Variants in METTL15 observed in about 807,000 individuals in gnomAD.
The protein encoded by METTL15 is 12S rRNA N(4)-cytidine methyltransferase METTL15.
Under a neutral mutation model 38.3 loss-of-function variants are expected in METTL15, and 34 were observed. That is an observed-to-expected ratio of 0.89 (90% CI 0.68 to 1.18). METTL15 has a LOEUF of 1.18. METTL15 is among the 50% of genes most tolerant of loss of function. METTL15 has a pLI of 0.00. For synonymous variants in METTL15, 162 were observed against 170.9 expected (o/e 0.95, Z 0.41); for missense variants, 438 against 498.4 (o/e 0.88, Z 1.15).
At chr11:28,232,194 A>G (rs1045487437) in intron 4 of METTL15, among the ~76,000 whole-genome samples, 2 of 152,004 alleles carry the variant, frequency 1.3e-5, no homozygotes, top group East Asian at 1.9e-4. Flanking sequence ...ATATTTATGT[A>G]AAAATGTTAA....
chr11:28,509,328 T>C (rs1851655821), intron 6 of METTL15, among the ~76,000 whole-genome samples: 1 of 152,176 alleles, frequency 6.6e-6, no homozygotes, highest in Non-Finnish European at 1.5e-5. Flanking sequence ...AAAATCATCT[T>C]TGATCTCAGG....
At chr11:28,443,260 T>C (rs1258098344) in intron 6 of METTL15, among the ~76,000 whole-genome samples, 1 of 152,206 alleles carries the variant, frequency 6.6e-6, no homozygotes, top group African/African-American at 2.4e-5. Context: ...ATTCCATACC[T>C]TGGCTTGGCT....
intron 6 of METTL15, among the ~76,000 whole-genome samples, chr11:28,502,708 C>A (rs1247393743): frequency 1.3e-5 from 2 of 152,046 alleles, no homozygotes; most frequent in South Asian, 4.1e-4. Context: ...TCCCTTTTCT[C>A]TGAAGGCTTG....
intron 6 of METTL15, among the ~76,000 whole-genome samples, chr11:28,443,806 G>A (rs1027794271): frequency 3.9e-5 from 6 of 152,164 alleles, no homozygotes; most frequent in African/African-American, 7.2e-5. Context: ...CCATGCTAAC[G>A]TTTGAATCCA....
intron 4 of METTL15, among the ~76,000 whole-genome samples, chr11:28,245,368 C>T (rs563819515): frequency 6.6e-6 from 1 of 152,216 alleles, no homozygotes; most frequent in African/African-American, 2.4e-5. Flanking sequence ...CAGTGATACC[C>T]AAAACCTGCT....
chr11:28,441,991 G>A (rs1349177193), intron 6 of METTL15, among the ~76,000 whole-genome samples: 1 of 152,222 alleles, frequency 6.6e-6, no homozygotes, highest in African/African-American at 2.4e-5. Context: ...TGCAGGTTGA[G>A]TGTAGGAAGA....
chr11:28,193,038 G>T (rs1419057604), intron 3 of METTL15, among the ~76,000 whole-genome samples: 3 of 151,914 alleles, frequency 2.0e-5, no homozygotes, highest in Non-Finnish European at 4.4e-5. Context: ...TAGGCTTTCA[G>T]CATTAGTATA....
At chr11:28,428,059 G>T (rs2133426869) in intron 6 of METTL15, among the ~76,000 whole-genome samples, 1 of 152,226 alleles carries the variant, frequency 6.6e-6, no homozygotes, top group South Asian at 2.1e-4. Flanking sequence ...CTATTAAGTA[G>T]GAATAATAGT....
At chr11:28,165,001 G>A (rs1008078311) in intron 3 of METTL15, among the ~76,000 whole-genome samples, 3 of 152,178 alleles carry the variant, frequency 2.0e-5, no homozygotes, top group South Asian at 2.1e-4. Context: ...ATCCCATGTT[G>A]TAACAAATGA....
chr11:28,118,116 A>G (rs1316194282), intron 3 of METTL15, among the ~76,000 whole-genome samples: 2 of 151,980 alleles, frequency 1.3e-5, no homozygotes, highest in African/African-American at 4.8e-5. Context: ...CATTCTCCAG[A>G]TGAAACTTTT....
intron 4 of METTL15, among the ~76,000 whole-genome samples, chr11:28,235,573 G>A (rs1853918347): frequency 1.3e-5 from 2 of 152,158 alleles, no homozygotes; most frequent in Non-Finnish European, 2.9e-5. Flanking sequence ...AAGCAATTGT[G>A]ATTGGGAGTT....
chr11:28,292,850 C>T (rs532644234), intron 5 of METTL15, among the ~76,000 whole-genome samples: 1 of 152,122 alleles, frequency 6.6e-6, no homozygotes, highest in Non-Finnish European at 1.5e-5. Context: ...GGCTGCATAA[C>T]TGTCTTCTTT....
At chr11:28,149,996 G>T (rs1160786421) in intron 3 of METTL15, among the ~76,000 whole-genome samples, 1 of 151,928 alleles carries the variant, frequency 6.6e-6, no homozygotes, top group East Asian at 1.9e-4. Flanking sequence ...CAAACCCAGG[G>T]CCCAATGTCG....
intron 4 of METTL15, among the ~76,000 whole-genome samples, chr11:28,278,688 T>C (rs1173292120): frequency 6.6e-6 from 1 of 152,200 alleles, no homozygotes; most frequent in Non-Finnish European, 1.5e-5. Context: ...TACTGCATAC[T>C]TGACTGCCTC....
At chr11:28,376,211 G>C (rs902420314) in intron 5 of METTL15, among the ~76,000 whole-genome samples, 2 of 151,908 alleles carry the variant, frequency 1.3e-5, no homozygotes, top group Non-Finnish European at 2.9e-5. Flanking sequence ...AGTTCAATTC[G>C]TGGGTATCCT....
chr11:28,163,410 T>C lies in METTL15; in HGVS notation c.271-47652T>C, dbSNP rs7114832. 3.5e-3 allele frequency: 1,390 copies of C among 398,242 alleles called. 14 individuals are homozygous for C. The highest frequency in any genetic ancestry group is 0.023 in the African/African-American group (1,135 of 48,732). The allele number at this position is 398,242 out of a possible 1,614,324, so 24.7% of individuals were successfully genotyped here. ...CCAGAACTTCATTCTACAGCAGCCCTGCTTTTGCTGTCATTTGAAATCGGT... is the reference window on the plus strand; with the variant it reads ...CCAGAACTTCATTCTACAGCAGCCCCGCTTTTGCTGTCATTTGAAATCGGT... On this transcript the variant is annotated intron_variant, in intron 3 of 6. Coordinates refer to ENST00000407364, the MANE Select transcript of METTL15 (RefSeq NM_001113528.2).
chr11:28,338,529 C>G (rs1849921858), intron 3 of METTL15, among the ~76,000 whole-genome samples: 2 of 152,000 alleles, frequency 1.3e-5, no homozygotes, highest in African/African-American at 4.8e-5. Context: ...ATCATCTTCT[C>G]TCTATTCCGT....
intron 2 of METTL15, among the ~76,000 whole-genome samples, chr11:28,111,742 A>T (rs1851727130): frequency 6.6e-6 from 1 of 152,178 alleles, no homozygotes; most frequent in Non-Finnish European, 1.5e-5. Context: ...CGTGGTAAGG[A>T]TTGAATGAGG....
intron 6 of METTL15, among the ~76,000 whole-genome samples, chr11:28,525,456 G>A (rs1187634431): frequency 6.6e-6 from 1 of 152,162 alleles, no homozygotes; most frequent in Non-Finnish European, 1.5e-5. Context: ...GCTGATTGGT[G>A]CATTTACAAC....
Sources: gnomAD v4.1 joint callset for allele counts (sites outside exome capture counted in the v4.1 genomes callset) on GRCh38, gnomAD v4.1.1 for gene constraint, MANE v1.5 for transcripts, NCBI Gene and HGNC (gene_info 2026-07-23, HGNC 2026-07-21) for gene names.